Variants in TIAM1 observed in about 807,000 individuals in gnomAD.
TIAM1 encodes TIAM Rac1 associated GEF 1.
TIAM1 carries 65 observed loss-of-function variants against 163.5 expected under a neutral mutation model. The ratio of observed to expected loss-of-function variants is 0.40; its 90% CI spans 0.33 to 0.49. The LOEUF (loss-of-function observed/expected upper bound fraction) is 0.49, where lower values mean the gene tolerates loss of function less well. Ranked by LOEUF, TIAM1 falls within the 20% of genes least tolerant of loss-of-function variation. TIAM1 has a pLI of 0.77. For synonymous variants in TIAM1, 833 were observed against 810.1 expected, an observed-to-expected ratio of 1.03 and a Z score of -0.48; for missense variants, 1,789 against 2,044.7, an observed-to-expected ratio of 0.87 and a Z score of 2.41.
At chr21:31,357,282 G>A (rs1303980811) in intron 2 of TIAM1, among the ~76,000 whole-genome samples, 6 of 152,234 alleles carry the variant, frequency 3.9e-5, no homozygotes, top group African/African-American at 7.2e-5. Flanking sequence ...CCACACTCAC[G>A]AAGTTTATGT....
chr21:31,346,592 C>G (rs1344440649), upstream of TIAM1, among the ~76,000 whole-genome samples: 1 of 152,170 alleles, frequency 6.6e-6, no homozygotes, highest in Non-Finnish European at 1.5e-5. Context: ...ACATGGTGTG[C>G]AGCGAGAGAT....
chr21:31,131,045 G>A, intron 23 of TIAM1, 97 bp from the exon 24 acceptor site: 1 of 963,358 alleles, frequency 1.0e-6, no homozygotes, highest in Non-Finnish European at 1.6e-6. Flanking sequence ...CAGTTATGAA[G>A]AGGACGTTGA....
chr21:31,202,302 A>G (rs1049274948), intron 12 of TIAM1, among the ~76,000 whole-genome samples: 10 of 152,242 alleles, frequency 6.6e-5, no homozygotes, highest in African/African-American at 1.9e-4. Context: ...CTGTAATTCC[A>G]GCACTTTGGG....
At chr21:31,376,861 T>C (rs2076695666) in intron 2 of TIAM1, among the ~76,000 whole-genome samples, 1 of 150,556 alleles carries the variant, frequency 6.6e-6, no homozygotes, top group Non-Finnish European at 1.5e-5. Context: ...TTTTACTTTA[T>C]TTTATTTTAT....
At chr21:31,222,695 ATATATATATATATTTTTTTTTTTTTTTTT>A (rs1402697268) in intron 8 of TIAM1, among the ~76,000 whole-genome samples, 70 of 35,844 alleles carry the variant, frequency 2.0e-3, no homozygotes, top group African/African-American at 9.3e-3. Context: ...ATATATATAT[ATATATATATATATTTTTTTTTTTTTTTTT>A]TTTTTTTTTT....
intron 2 of TIAM1, among the ~76,000 whole-genome samples, chr21:31,332,637 T>C (rs558089121): frequency 1.2e-3 from 185 of 151,632 alleles, no homozygotes; most frequent in Non-Finnish European, 2.2e-3. Context: ...GAAAAACCAC[T>C]GTGCCCTGAG....
chr21:31,154,363 G>A lies in TIAM1; in HGVS notation c.3055C>T (p.Pro1019Ser). The change falls in exon 17 of 28, where the codon CCA (proline) becomes TCA (serine). Residue 1019 changes from proline to serine, a missense_variant. By Grantham distance (74) the Pro-to-Ser change is moderately conservative. Transcript: ENST00000541036. ...GGCCCCGTGGAGTCCTGAGGAGATG[G>A]GCTCTGGTCAGAGGGGTTCATCTCA... Reference protein sequence around the residue: ...LHEMNPSDQSPSPQDSTGPQL... With the variant: ...LHEMNPSDQSSSPQDSTGPQL... The A allele has an allele frequency of 6.2e-7, 1 of 1,614,158 alleles. No individual in the cohort carries two copies.
chr21:31,262,960 T>TA (rs917705590), intron 4 of TIAM1, among the ~76,000 whole-genome samples: 4 of 138,146 alleles, frequency 2.9e-5, no homozygotes, highest in Non-Finnish European at 6.4e-5. Flanking sequence ...AATTTTTTTT[T>TA]AAAAAAGCAT....
chr21:31,515,947 A>T (rs962266106), intron 1 of TIAM1, among the ~76,000 whole-genome samples: 1 of 150,964 alleles, frequency 6.6e-6, no homozygotes, highest in Non-Finnish European at 1.5e-5. Flanking sequence ...ATCTGTACTA[A>T]AAATAGAAAA....
intron 2 of TIAM1, among the ~76,000 whole-genome samples, chr21:31,331,257 C>T (rs1421277433): frequency 2.0e-5 from 3 of 152,170 alleles, no homozygotes; most frequent in East Asian, 1.9e-4. Flanking sequence ...GCATCCATCC[C>T]ACCAATTATG....
chr21:31,477,473 C>A (rs2045968127), intron 1 of TIAM1, among the ~76,000 whole-genome samples: 1 of 82,918 alleles, frequency 1.2e-5, no homozygotes. Flanking sequence ...GAACTAAATG[C>A]ATTTTTTTTT....
At chr21:31,377,559 C>G (rs2076708510) in intron 2 of TIAM1, among the ~76,000 whole-genome samples, 1 of 152,200 alleles carries the variant, frequency 6.6e-6, no homozygotes, top group African/African-American at 2.4e-5. Context: ...CATCACGCCT[C>G]TGACAGACAC....
intron 1 of TIAM1, among the ~76,000 whole-genome samples, chr21:31,484,858 C>G (rs73343464): frequency 6.6e-6 from 1 of 152,104 alleles, no homozygotes; most frequent in African/African-American, 2.4e-5. Flanking sequence ...TGGGGCCTTT[C>G]GGAGGTGACT....
chr21:31,395,802 TC>T lies in TIAM1; in HGVS notation c.-368-56381del, dbSNP rs1218255174. On this transcript the variant is annotated intron_variant, in intron 2 of 28. Coordinates refer to the TIAM1 transcript ENST00000286827. This position sits in a 1 kb window ranked among gnomAD's most constrained non-coding sequence, Gnocchi z 7.5. ...GATGCATGGAATTAATGAACAACTA[TC>T]TGTGAAAATCTATCCTAATTAGGAA... Among the ~76,000 whole-genome samples, 1 of 152,114 alleles carries T rather than the reference TC, an allele frequency of 6.6e-6. No homozygotes were observed. The highest frequency in any genetic ancestry group is 1.9e-4 in the East Asian group (1 of 5,178).
At chr21:31,181,111 C>T (rs758055197) in intron 15 of TIAM1, among the ~76,000 whole-genome samples, 2 of 152,182 alleles carry the variant, frequency 1.3e-5, no homozygotes, top group African/African-American at 2.4e-5. Context: ...AAAACCCCAA[C>T]TTACTAAATC....
intron 2 of TIAM1, among the ~76,000 whole-genome samples, chr21:31,290,331 C>T (rs2073970317): frequency 6.6e-6 from 1 of 151,876 alleles, no homozygotes; most frequent in African/African-American, 2.4e-5. Flanking sequence ...GTGGAGAACT[C>T]AGGCTCAAAA....
intron 1 of TIAM1, among the ~76,000 whole-genome samples, chr21:31,478,080 G>A (rs1041958866): frequency 6.6e-6 from 1 of 152,212 alleles, no homozygotes; most frequent in Non-Finnish European, 1.5e-5. Flanking sequence ...GAGGTGAAGG[G>A]AGAACTCGCA....
intron 1 of TIAM1, among the ~76,000 whole-genome samples, chr21:31,520,107 G>A (rs964575515): frequency 6.6e-5 from 10 of 152,166 alleles, no homozygotes; most frequent in African/African-American, 2.4e-4. Context: ...GAGGCACGCG[G>A]AGCACCTGAG....
chr21:31,266,163 A>C lies in TIAM1; in HGVS notation c.810T>G (p.His270Gln). ...LVSDIPNLANHKMPPAAAEET... is the reference protein window; with the variant it reads ...LVSDIPNLANQKMPPAAAEET... ...CTTCAGCAGCAGCTGGTGGCATCTT[A>C]TGGTTTGCAAGATTGGGAATATCAG... Residue 270 changes from histidine (H) to glutamine (Q), a missense_variant, in exon 4 of 28, where the codon CAT becomes CAG. By Grantham distance (24) the His-to-Gln change is conservative. Around this residue, in one of 5 missense-constraint regions of TIAM1, gnomAD observed 555 missense variants for 564.9 expected, o/e 0.98. Coordinates refer to ENST00000541036, the MANE Select transcript of TIAM1 (RefSeq NM_001353694.2). The C allele has an allele frequency of 6.2e-7, 1 of 1,614,158 alleles. No homozygotes were observed. The highest frequency in any genetic ancestry group is 8.5e-7 in the Non-Finnish European group (1 of 1,180,038).
Sources: gnomAD v4.1 joint callset for allele counts (sites outside exome capture counted in the v4.1 genomes callset) on GRCh38, gnomAD v4.1.1 for gene constraint, gnomAD v4.1.1 regional missense constraint, Gnocchi (gnomAD v3.1) non-coding constraint, MANE v1.5 for transcripts, NCBI Gene and HGNC (gene_info 2026-07-23, HGNC 2026-07-21) for gene names.